Variants in TFDP1 observed in about 807,000 individuals in gnomAD.
TFDP1 encodes the protein DRTF1-polypeptide 1.
A neutral mutation model predicts 48.0 loss-of-function variants in TFDP1; 6 were observed. That is an observed-to-expected ratio of 0.13 (90% CI 0.07 to 0.25). The LOEUF (loss-of-function observed/expected upper bound fraction) is 0.25, where lower values mean the gene tolerates loss of function less well. Among genes scored for constraint, TFDP1 ranks in the 10% least tolerant of loss-of-function variants. TFDP1 has a pLI of 1.00. For missense variants in TFDP1, 335 were observed against 543.0 expected (o/e 0.62, Z 3.81); for synonymous variants, 201 against 211.6 (o/e 0.95, Z 0.44).
chr13:113,588,469 A>G (rs180932761), intron 2 of TFDP1, among the ~76,000 whole-genome samples: 15 of 152,350 alleles, frequency 9.8e-5, no homozygotes, highest in Admixed American at 3.3e-4. Context: ...AGCGGGTGGG[A>G]AAAGGCCACA....
chr13:113,636,843 G>C lies in TFDP1; in HGVS notation c.1006+143G>C, dbSNP rs529736838. 68 of 1,049,834 alleles carry C rather than the reference G, an allele frequency of 6.5e-5. 1 individual carries two copies. In the South Asian group the frequency reaches 1.1e-3, roughly 16 times the overall value. The allele number at this position is 1,049,834 out of a possible 1,614,324, so 65.0% of individuals were successfully genotyped here. A position where few individuals can be genotyped will look rare whatever the true frequency, so the allele number is the denominator to read the frequency against. ...GGCCAGGAGCAAAGACAAAGGGGCTGTGAGGGGGATGAGGGCAGGGGTGTG... is the reference window on the plus strand; with the variant it reads ...GGCCAGGAGCAAAGACAAAGGGGCTCTGAGGGGGATGAGGGCAGGGGTGTG... On this transcript the variant is annotated intron_variant, in intron 10 of 11. Coordinates refer to ENST00000375370, the MANE Select transcript of TFDP1 (RefSeq NM_007111.5).
intron 2 of TFDP1, among the ~76,000 whole-genome samples, chr13:113,603,358 G>A (rs1210522767): frequency 2.0e-5 from 3 of 152,250 alleles, no homozygotes; most frequent in African/African-American, 7.2e-5. Context: ...AAAGAGGGAG[G>A]CGTTGAGGGC....
chr13:113,605,147 C>CG (rs112289294), intron 2 of TFDP1, among the ~76,000 whole-genome samples: 99 of 149,912 alleles, frequency 6.6e-4, no homozygotes, highest in Middle Eastern at 3.4e-3. Flanking sequence ...TCAGTTGGGG[C>CG]GGGGGGGCGT....
chr13:113,625,601 TGTCTTCAGGC>T (rs1566667040), intron 4 of TFDP1, among the ~76,000 whole-genome samples: 2 of 91,314 alleles, frequency 2.2e-5, no homozygotes, highest in Non-Finnish European at 4.2e-5. Flanking sequence ...GTCTCTCACG[TGTCTTCAGGC>T]GTCTCTCACG....
At chr13:113,592,651 A>AT (rs2048173520) in intron 2 of TFDP1, among the ~76,000 whole-genome samples, 1 of 152,228 alleles carries the variant, frequency 6.6e-6, no homozygotes, top group African/African-American at 2.4e-5. Context: ...GCTCCAGTGA[A>AT]TGGGGAAGCA....
chr13:113,621,819 C>A (rs1444523015), intron 3 of TFDP1, among the ~76,000 whole-genome samples: 3 of 152,212 alleles, frequency 2.0e-5, no homozygotes, highest in Non-Finnish European at 4.4e-5. Flanking sequence ...TGTTCCTCCA[C>A]CTCTTGTGGA....
In TFDP1 at chr13:113,636,064, C is replaced by T; in HGVS notation, c.775C>T (p.Leu259=). The T allele has an allele frequency of 6.2e-7, 1 of 1,614,242 alleles. No homozygotes were observed. The highest frequency in any genetic ancestry group is 8.5e-7 in the Non-Finnish European group (1 of 1,180,042). The change falls in exon 9 of 12, where the codon CTG becomes TTG. Residue 259 remains leucine (L), a synonymous_variant. Coordinates refer to ENST00000375370, the MANE Select transcript of TFDP1 (RefSeq NM_007111.5). ...ACCGCCACCCAACTCAGTCATCCAC[C>T]TGCCCTTCATCATCGTCAACACCAG... is the stretch of plus-strand genomic sequence containing the variant. ...RPPPPNSVIH[L]PFIIVNTSKK... is the part of the protein sequence containing the mutation.
chr13:113,613,052 T>A (rs770929000), intron 3 of TFDP1, among the ~76,000 whole-genome samples: 2 of 152,152 alleles, frequency 1.3e-5, no homozygotes, highest in Non-Finnish European at 2.9e-5. Flanking sequence ...AGTCTCACTC[T>A]GTCGCCCAGG....
In TFDP1 at chr13:113,633,973, G is replaced by A; in HGVS notation, c.558G>A (p.Lys186=). The A allele has an allele frequency of 6.2e-7, 1 of 1,614,218 alleles. No individual in the cohort carries two copies. Among genetic ancestry groups the A allele is most frequent in the Non-Finnish European group, 8.5e-7 (1 of 1,180,042 alleles). The part of the protein sequence containing the change: ...LMAMNIISKE[K]KEIKWIGLPT... The stretch of plus-strand genomic sequence containing the variant: ...CCATGAACATCATCTCCAAGGAGAA[G>A]AAGGAGATCAAGTGGATTGGTCTGC... Residue 186 remains lysine (K), a synonymous_variant, in exon 7 of 12, where the codon AAG becomes AAA. Coordinates refer to ENST00000375370, the MANE Select transcript of TFDP1 (RefSeq NM_007111.5). The surrounding 1 kb of genome is among the most constrained non-coding windows in gnomAD (Gnocchi z 4.5).
intron 2 of TFDP1, among the ~76,000 whole-genome samples, chr13:113,606,477 CA>C (rs1354095738): frequency 6.6e-6 from 1 of 152,060 alleles, no homozygotes; most frequent in African/African-American, 2.4e-5. Context: ...GCCCCTTTAT[CA>C]GGGCACATAC....
rs77731556 is a variant in TFDP1 at position 113,598,175 on chromosome 13, G to A, written c.12+12326G>A. 0.033 allele frequency among the ~76,000 whole-genome samples: 5,051 copies of A among 152,190 alleles called. 209 individuals are homozygous for A. Among genetic ancestry groups the A allele is most frequent in the East Asian group, 0.11 (563 of 5,178 alleles). On this transcript the variant is annotated intron_variant, in intron 2 of 11. Transcript: ENST00000375370. This position sits in a 1 kb window ranked among gnomAD's most constrained non-coding sequence, Gnocchi z 4.2. Reference sequence around the variant, plus strand: ...TCTACTCCCCACCACCCCAGCCCTGGAAAACCGTGCCTGCCAGGTTCATAC... The same window carrying A: ...TCTACTCCCCACCACCCCAGCCCTGAAAAACCGTGCCTGCCAGGTTCATAC...
intron 2 of TFDP1, among the ~76,000 whole-genome samples, chr13:113,597,016 T>G (rs1266727472): frequency 6.6e-6 from 1 of 152,160 alleles, no homozygotes; most frequent in Non-Finnish European, 1.5e-5. Context: ...GCGGCTCTGG[T>G]GCCTGCCCGG....
At chr13:113,631,794 G>T in intron 5 of TFDP1, 50 bp downstream of exon 5, 1 of 1,602,288 alleles carries the variant, frequency 6.2e-7, no homozygotes, top group Non-Finnish European at 8.5e-7. Context: ...CTTGCGGTTC[G>T]CACCTCCACG....
intron 2 of TFDP1, among the ~76,000 whole-genome samples, chr13:113,591,107 C>T (rs1451722812): frequency 2.0e-5 from 3 of 151,278 alleles, no homozygotes; most frequent in Non-Finnish European, 4.4e-5. Flanking sequence ...TCCCGGAGGC[C>T]AAGGCGGGTG....
intron 2 of TFDP1, among the ~76,000 whole-genome samples, chr13:113,590,226 G>A (rs539530404): frequency 6.6e-6 from 1 of 152,324 alleles, no homozygotes; most frequent in East Asian, 1.9e-4. Context: ...AAGCCGTTCT[G>A]TGGTGCCTGT....
intron 2 of TFDP1, among the ~76,000 whole-genome samples, chr13:113,602,338 G>T (rs1258146660): frequency 6.6e-6 from 1 of 152,000 alleles, no homozygotes; most frequent in East Asian, 1.9e-4. Context: ...GGAGTTACCT[G>T]CAGGAGTCGA....
chr13:113,630,155 G>GCACACA lies in TFDP1; in HGVS notation c.187-1446_187-1441dup, dbSNP rs3076650. Among the ~76,000 whole-genome samples the GCACACA allele has an allele frequency of 5.8e-3, 858 of 149,200 alleles. 6 individuals are homozygous for GCACACA. The highest frequency in any genetic ancestry group is 0.016 in the African/African-American group (640 of 40,716). On this transcript the variant is annotated intron_variant, in intron 4 of 11. Coordinates refer to ENST00000375370, the MANE Select transcript of TFDP1 (RefSeq NM_007111.5). ...TCCCACGTGGCCCAGTGCCCCAGCA[G>GCACACA]CACACACACACACACACACACACAC...
chr13:113,601,909 A>G (rs2140340713), intron 2 of TFDP1, among the ~76,000 whole-genome samples: 1 of 141,708 alleles, frequency 7.1e-6, no homozygotes, highest in East Asian at 2.1e-4. Flanking sequence ...TGAGAGGAGG[A>G]CAGAGCTACT....
At position 113,623,198 on chromosome 13, in the gene TFDP1, C is replaced by T. The variant is rs1217962971; in HGVS notation, c.98C>T (p.Ala33Val). 1 of 1,613,364 alleles carries T rather than the reference C, an allele frequency of 6.2e-7. No individual in the cohort carries two copies. The highest frequency in any genetic ancestry group is 8.5e-7 in the Non-Finnish European group (1 of 1,179,654). ...GTTGCAGGCGTGGTGTCCCTCGTGGCCGTTCACCCCTCCACCGTCAACCCG... is the reference window on the plus strand; with the variant it reads ...GTTGCAGGCGTGGTGTCCCTCGTGGTCGTTCACCCCTCCACCGTCAACCCG... ...SPGKGVVSLVAVHPSTVNPLG... is the reference protein window; with the variant it reads ...SPGKGVVSLVVVHPSTVNPLG... Residue 33 changes from alanine to valine, a missense_variant, in exon 4 of 12, where the codon GCC (alanine) becomes GTC (valine). By Grantham distance (64) the Ala-to-Val change is moderately conservative. This residue lies in a region of TFDP1 where 103 missense variants were observed against 140.4 expected (regional missense o/e 0.73). Transcript: ENST00000375370. The surrounding 1 kb of genome is among the most constrained non-coding windows in gnomAD (Gnocchi z 5.2).
Sources: gnomAD v4.1 joint callset for allele counts (sites outside exome capture counted in the v4.1 genomes callset) on GRCh38, gnomAD v4.1.1 for gene constraint, gnomAD v4.1.1 regional missense constraint, Gnocchi (gnomAD v3.1) non-coding constraint, MANE v1.5 for transcripts, NCBI Gene and HGNC (gene_info 2026-07-23, HGNC 2026-07-21) for gene names.